The following NXN variants were observed in gnomAD, a reference collection of about 807,000 sequenced individuals.
NXN encodes nucleoredoxin 1.
NXN carries 16 observed loss-of-function variants against 48.6 expected under a neutral mutation model. That is an observed-to-expected ratio of 0.33 (90% CI 0.22 to 0.50). The LOEUF (loss-of-function observed/expected upper bound fraction) is 0.50. NXN is among the 20% of genes least tolerant of loss of function. NXN has a pLI of 0.98. For synonymous variants in NXN, 281 were observed against 269.6 expected, an observed-to-expected ratio of 1.04 and a Z score of -0.41; for missense variants, 492 against 605.5, an observed-to-expected ratio of 0.81 and a Z score of 1.97.
chr17:889,761 A>AAGAAAGAGAAAG lies in NXN; in HGVS notation c.361-63684_361-63683insCTTTCTCTTTCT, dbSNP rs1555619043. Among the ~76,000 whole-genome samples the AAGAAAGAGAAAG allele has an allele frequency of 3.3e-3, 237 of 70,828 alleles. 5 individuals are homozygous for AAGAAAGAGAAAG. The highest frequency in any genetic ancestry group is 5.2e-3 in the East Asian group (15 of 2,910). The allele number at this position is 70,828 out of a possible 152,430, so 46.5% of individuals were successfully genotyped here. ...AAAGAAAGAAAGAAAGAAAGAAAGA[A>AAGAAAGAGAAAG]AAAGAAAGAAAGAAAAGAGAGAGAA... On this transcript the variant is annotated intron_variant, in intron 1 of 7. Transcript: ENST00000336868.
intron 5 of NXN, among the ~76,000 whole-genome samples, chr17:817,430 G>A (rs1293066015): frequency 1.3e-5 from 2 of 152,174 alleles, no homozygotes; most frequent in Non-Finnish European, 2.9e-5. Context: ...AGCACTTTGG[G>A]AGGCCGAGGT....
chr17:964,962 A>T (rs1275036373), intron 1 of NXN, among the ~76,000 whole-genome samples: 1 of 152,170 alleles, frequency 6.6e-6, no homozygotes, highest in Non-Finnish European at 1.5e-5. Context: ...CCCTAATGAG[A>T]GGAGGCGGGG....
intron 1 of NXN, among the ~76,000 whole-genome samples, chr17:939,533 A>G (rs2068946134): frequency 6.6e-6 from 1 of 152,110 alleles, no homozygotes; most frequent in African/African-American, 2.4e-5. Flanking sequence ...TTTAGTAGAG[A>G]TGGGGTTTCA....
chr17:897,061 G>A, intron 1 of NXN: 1 of 1,071,862 alleles, frequency 9.3e-7, no homozygotes, highest in South Asian at 2.2e-5. Context: ...ACACACGCGT[G>A]AGCTTTGACA....
chr17:910,409 T>TAA (rs761399476), intron 1 of NXN, among the ~76,000 whole-genome samples: 3 of 137,676 alleles, frequency 2.2e-5, no homozygotes, highest in East Asian at 4.1e-4. Context: ...GAGACTCCAT[T>TAA]AAAAAAAAAA....
chr17:862,410 G>C (rs2068050053), intron 1 of NXN, among the ~76,000 whole-genome samples: 1 of 152,212 alleles, frequency 6.6e-6, no homozygotes, highest in South Asian at 2.1e-4. Context: ...TGTAGTCCCA[G>C]CTACTCAGGA....
chr17:972,948 A>G (rs2586260), intron 1 of NXN, among the ~76,000 whole-genome samples: 2 of 151,010 alleles, frequency 1.3e-5, no homozygotes, highest in Admixed American at 6.6e-5. Flanking sequence ...GGAGAATGGC[A>G]GGAACCCGGG....
chr17:851,872 CGGA>C (rs2067926814), intron 1 of NXN, among the ~76,000 whole-genome samples: 1 of 152,214 alleles, frequency 6.6e-6, no homozygotes, highest in Non-Finnish European at 1.5e-5. Context: ...CTGCGGAAAG[CGGA>C]GGTCGGCTTT....
intron 1 of NXN, chr17:878,212 G>A (rs181779872): frequency 1.3e-5 from 2 of 151,838 alleles, no homozygotes; most frequent in African/African-American, 2.4e-5. Context: ...CAACCTCATC[G>A]GAGAGAGAAG....
rs562193750 is a variant in NXN, at chr17:932,954, G to A, written c.360+46365C>T. Among the ~76,000 whole-genome samples, 1 of 132,402 alleles carries A rather than the reference G, an allele frequency of 7.6e-6. No homozygotes were observed. Among genetic ancestry groups the A allele is most frequent in the African/African-American group, 2.5e-5 (1 of 39,408 alleles). 86.9% of individuals were successfully genotyped at this position (132,402 alleles called of 152,430 possible). A position where few individuals can be genotyped will look rare whatever the true frequency, so the allele number is the denominator to read the frequency against. The stretch of plus-strand genomic sequence containing the variant: ...TGAGCCACCGCGCCCAGCCCAGCCC[G>A]TCCTCTTGAACCTGCTCAGTTTCAG... On this transcript the variant is annotated intron_variant, in intron 1 of 7. Transcript: ENST00000336868. The surrounding 1 kb of genome is among the most constrained non-coding windows in gnomAD (Gnocchi z 4.1).
intron 1 of NXN, among the ~76,000 whole-genome samples, chr17:889,355 C>A (rs1033731848): frequency 6.6e-6 from 1 of 152,250 alleles, no homozygotes; most frequent in African/African-American, 2.4e-5. Context: ...CGCAGTGATC[C>A]TGCATCGGAG....
At chr17:947,906 C>G (rs2069063983) in intron 1 of NXN, among the ~76,000 whole-genome samples, 1 of 105,298 alleles carries the variant, frequency 9.5e-6, no homozygotes, top group Non-Finnish European at 2.3e-5. Context: ...AAAAAATTAG[C>G]TGGATGTGGC....
chr17:875,036 T>C (rs544153243), intron 1 of NXN, among the ~76,000 whole-genome samples: 1 of 145,804 alleles, frequency 6.9e-6, no homozygotes, highest in East Asian at 2.0e-4. Flanking sequence ...ACCTTTTTTC[T>C]TTTTTTTTTT....
At chr17:870,371 T>C (rs2068138664) in intron 1 of NXN, among the ~76,000 whole-genome samples, 1 of 152,106 alleles carries the variant, frequency 6.6e-6, no homozygotes, top group African/African-American at 2.4e-5. Flanking sequence ...TTCATGAGCC[T>C]GAATTGTCTC....
intron 1 of NXN, among the ~76,000 whole-genome samples, chr17:934,245 A>G (rs1210216885): frequency 1.3e-5 from 2 of 151,896 alleles, no homozygotes; most frequent in Non-Finnish European, 2.9e-5. Context: ...GGAGATTGAG[A>G]CCATCCTGGC....
chr17:900,029 GC>G (rs1567854854), intron 1 of NXN, among the ~76,000 whole-genome samples: 1 of 152,220 alleles, frequency 6.6e-6, no homozygotes, highest in African/African-American at 2.4e-5. Flanking sequence ...ACGTTGGGAG[GC>G]CGAGGCAGGC....
At chr17:889,083 G>A (rs1450958997) in intron 1 of NXN, among the ~76,000 whole-genome samples, 1 of 151,832 alleles carries the variant, frequency 6.6e-6, no homozygotes, top group East Asian at 1.9e-4. Context: ...ACTAATGTTT[G>A]TGGTTAACCG....
At chr17:805,708 G>C (rs1050042980) in intron 5 of NXN, among the ~76,000 whole-genome samples, 5 of 152,032 alleles carry the variant, frequency 3.3e-5, no homozygotes, top group Non-Finnish European at 7.4e-5. Flanking sequence ...CGTGGTGGCG[G>C]GCGCCTGTAG....
At chr17:974,973 C>T (rs1282003641) in intron 1 of NXN, among the ~76,000 whole-genome samples, 1 of 152,000 alleles carries the variant, frequency 6.6e-6, no homozygotes, top group East Asian at 1.9e-4. Context: ...ACCACAGGTA[C>T]CCACCACTGT....
Sources: allele counts gnomAD v4.1 joint callset (sites outside exome capture counted in the v4.1 genomes callset), GRCh38; gene constraint gnomAD v4.1.1; non-coding constraint Gnocchi (gnomAD v3.1); transcripts MANE v1.5; gene names NCBI Gene and HGNC (gene_info 2026-07-23, HGNC 2026-07-21).